The following BLVRA variants were observed in gnomAD, a reference collection of about 807,000 sequenced individuals.
BLVRA encodes BVR A.
Under a neutral mutation model 32.8 loss-of-function variants are expected in BLVRA, and 22 were observed. The observed-to-expected ratio is 0.67, with a 90% CI of 0.48 to 0.96. The LOEUF (loss-of-function observed/expected upper bound fraction) is 0.96. Among genes scored for constraint, BLVRA ranks in the 40% least tolerant of loss-of-function variants. The probability of loss-of-function intolerance (pLI) is 0.00; values close to 1 mark genes in which losing one functional copy is unlikely to be tolerated. For synonymous variants in BLVRA, 119 were observed against 141.3 expected (o/e 0.84, Z 1.12); for missense variants, 323 against 358.1 (o/e 0.90, Z 0.79).
At chr7:43,761,561 C>CTTCA (rs200838410) in intron 1 of BLVRA, among the ~76,000 whole-genome samples, 1,734 of 152,160 alleles carry the variant, frequency 0.011, 30 homozygotes, top group African/African-American at 0.037. Flanking sequence ...TACATGGCAA[C>CTTCA]TTCATTCATT....
chr7:43,801,538 T>C (rs902408677), intron 6 of BLVRA, among the ~76,000 whole-genome samples: 1 of 152,202 alleles, frequency 6.6e-6, no homozygotes, highest in Non-Finnish European at 1.5e-5. Context: ...TGATACATAG[T>C]AGAACCTCAT....
At chr7:43,783,522 C>T (rs578227902) in intron 2 of BLVRA, among the ~76,000 whole-genome samples, 47 of 152,242 alleles carry the variant, frequency 3.1e-4, no homozygotes, top group African/African-American at 1.1e-3. Flanking sequence ...CTCTATATCA[C>T]GAGTCTATCA....
At chr7:43,772,830 C>G (rs1706633955) in intron 2 of BLVRA, among the ~76,000 whole-genome samples, 1 of 152,200 alleles carries the variant, frequency 6.6e-6, no homozygotes, top group African/African-American at 2.4e-5. Context: ...ATTCAGTTAC[C>G]TCCACCTGGC....
intron 1 of BLVRA, among the ~76,000 whole-genome samples, chr7:43,763,071 A>G (rs934755297): frequency 1.3e-5 from 2 of 152,174 alleles, no homozygotes; most frequent in African/African-American, 4.8e-5. Flanking sequence ...AAAGCATAAA[A>G]ATGAAAGGAA....
intron 1 of BLVRA, among the ~76,000 whole-genome samples, chr7:43,770,642 T>G (rs541669197): frequency 6.6e-6 from 1 of 152,220 alleles, no homozygotes; most frequent in East Asian, 1.9e-4. Context: ...GTTTGCCCCC[T>G]CCTTCGTCTT....
chr7:43,804,868 C>T (rs2282922), intron 7 of BLVRA, among the ~76,000 whole-genome samples: 126,634 of 152,228 alleles, frequency 0.83, 53,186 homozygotes, highest in African/African-American at 0.95. Flanking sequence ...GAAGCAGACA[C>T]TGGGTATTTT....
chr7:43,790,297 GT>G (rs1234612137), intron 3 of BLVRA, among the ~76,000 whole-genome samples: 1 of 152,080 alleles, frequency 6.6e-6, no homozygotes, highest in Non-Finnish European at 1.5e-5. Context: ...AAGGCCTTGG[GT>G]TCCCCTCCTG....
chr7:43,782,566 A>G (rs894075079), intron 2 of BLVRA, among the ~76,000 whole-genome samples: 2 of 152,100 alleles, frequency 1.3e-5, no homozygotes, highest in African/African-American at 4.8e-5. Flanking sequence ...GGCTTGGAAG[A>G]GAGGATGGCC....
intron 2 of BLVRA, among the ~76,000 whole-genome samples, chr7:43,779,072 C>T (rs780877851): frequency 2.2e-4 from 34 of 152,364 alleles, no homozygotes; most frequent in African/African-American, 7.5e-4. Flanking sequence ...CTTTCTTTGA[C>T]TAGGAAAGGG....
intron 3 of BLVRA, among the ~76,000 whole-genome samples, chr7:43,790,444 A>G (rs775478774): frequency 7.9e-5 from 12 of 151,158 alleles, no homozygotes; most frequent in East Asian, 1.9e-4. Context: ...CACACACACA[A>G]ACACACACAC....
At position 43,791,304 on chromosome 7, in the gene BLVRA, T is replaced by C. The variant is rs1196224100; in HGVS notation, c.190T>C (p.Ser64Pro). 1 of 1,613,970 alleles carries C rather than the reference T, an allele frequency of 6.2e-7. No individual in the cohort carries two copies. The highest frequency in any genetic ancestry group is 8.5e-7 in the Non-Finnish European group (1 of 1,179,954). ...VQQISLEDAL[S>P]SQEVEVAYIC... Reference sequence around the variant, plus strand: ...GCAGATTTCTTTGGAGGATGCTCTTTCCAGCCAAGAGGTGGAGGTCGCCTA... The same window carrying C: ...GCAGATTTCTTTGGAGGATGCTCTTCCCAGCCAAGAGGTGGAGGTCGCCTA... The change falls in exon 4 of 8, where the codon TCC becomes CCC. Residue 64 changes from serine (S) to proline (P), a missense_variant. Physicochemically the swap from Ser to Pro is moderately conservative, Grantham distance 74. Coordinates refer to ENST00000265523, the MANE Select transcript of BLVRA (RefSeq NM_000712.4).
chr7:43,779,231 G>A (rs536912077), intron 2 of BLVRA, among the ~76,000 whole-genome samples: 53 of 152,312 alleles, frequency 3.5e-4, no homozygotes, highest in African/African-American at 1.2e-3. Context: ...CGTCTTCTGC[G>A]TTGCTCACGC....
At chr7:43,769,607 CTT>C (rs770706689) in intron 1 of BLVRA, among the ~76,000 whole-genome samples, 7 of 144,546 alleles carry the variant, frequency 4.8e-5, no homozygotes, top group Middle Eastern at 3.7e-3. Flanking sequence ...AGGCTATTTT[CTT>C]TTTTTTTTTT....
intron 6 of BLVRA, among the ~76,000 whole-genome samples, chr7:43,803,025 C>T (rs747325349): frequency 6.6e-6 from 1 of 152,320 alleles, no homozygotes; most frequent in South Asian, 2.1e-4. Flanking sequence ...TGAGCCACCA[C>T]GCCTGGCCCC....
intron 6 of BLVRA, among the ~76,000 whole-genome samples, chr7:43,800,871 C>T (rs1292196831): frequency 1.3e-5 from 2 of 152,168 alleles, no homozygotes; most frequent in Non-Finnish European, 1.5e-5. Flanking sequence ...GAGAGGAGAA[C>T]ATTTTTATAC....
chr7:43,791,772 C>A (rs992981890), intron 4 of BLVRA: 1 of 203,320 alleles, frequency 4.9e-6, no homozygotes, highest in African/African-American at 2.4e-5. Flanking sequence ...CCAACGTTTT[C>A]TCCTTTGTGC....
At chr7:43,770,896 A>T (rs1027795992) in intron 1 of BLVRA, among the ~76,000 whole-genome samples, 33 of 152,212 alleles carry the variant, frequency 2.2e-4, no homozygotes, top group Admixed American at 8.5e-4. Flanking sequence ...GGGCTTGGAA[A>T]TGCCCTTCTC....
chr7:43,761,426 C>T (rs1381555918), intron 1 of BLVRA, among the ~76,000 whole-genome samples: 1 of 152,106 alleles, frequency 6.6e-6, no homozygotes, highest in East Asian at 1.9e-4. Context: ...TTCCAATAGC[C>T]ACTCTGTGTA....
At chr7:43,769,960 T>C in intron 1 of BLVRA, among the ~76,000 whole-genome samples, 1 of 152,204 alleles carries the variant, frequency 6.6e-6, no homozygotes, top group South Asian at 2.1e-4. Flanking sequence ...CCATGCCCCC[T>C]TCCCCGGGTA....
Sources: gnomAD v4.1 joint callset for allele counts (sites outside exome capture counted in the v4.1 genomes callset) on GRCh38, gnomAD v4.1.1 for gene constraint, MANE v1.5 for transcripts, NCBI Gene and HGNC (gene_info 2026-07-23, HGNC 2026-07-21) for gene names.